The following NUP155 variants were observed in gnomAD, a reference collection of about 807,000 sequenced individuals.
NUP155 encodes nucleoporin 155.
NUP155 carries 71 observed loss-of-function variants against 180.4 expected under a neutral mutation model. The observed-to-expected ratio is 0.39, with a 90% CI of 0.33 to 0.48. The LOEUF (loss-of-function observed/expected upper bound fraction) is 0.48, where lower values mean the gene tolerates loss of function less well. NUP155 is among the 20% of genes least tolerant of loss of function. NUP155 has a pLI of 0.91. For missense variants in NUP155, 1,553 were observed against 1,648.9 expected (o/e 0.94, Z 1.01); for synonymous variants, 582 against 559.5 (o/e 1.04, Z -0.57).
chr5:37,353,364 C>A (rs1166080290), intron 4 of NUP155, among the ~76,000 whole-genome samples: 1 of 152,040 alleles, frequency 6.6e-6, no homozygotes. Context: ...AGGCAAATCA[C>A]CTGAGGTCAG....
At chr5:37,357,704 G>A (rs530224635) in intron 4 of NUP155, among the ~76,000 whole-genome samples, 20 of 152,040 alleles carry the variant, frequency 1.3e-4, no homozygotes, top group Non-Finnish European at 2.9e-5. Context: ...TTAAAAAAGG[G>A]TGTTGTCAGC....
intron 9 of NUP155, among the ~76,000 whole-genome samples, chr5:37,343,753 GGT>G (rs1745896657): frequency 6.6e-6 from 1 of 151,804 alleles, no homozygotes. Context: ...ATTAGCCAGG[GGT>G]GGTAGCGCAT....
Position 37,291,699 on chromosome 5 carries a change from TCACCCAA to T in NUP155, c.*194_*200del. On this transcript the variant is annotated 3_prime_UTR_variant, in exon 35 of 35. Transcript: ENST00000231498. ...AAATAATCTCATTTCAGTTGTTTTTTCACCCAATTACTAAAAAACAAAATAGTCATAA... is the reference window on the plus strand; with the variant it reads ...AAATAATCTCATTTCAGTTGTTTTTTTTACTAAAAAACAAAATAGTCATAA... 1 of 469,594 alleles carries T rather than the reference TCACCCAA, an allele frequency of 2.1e-6. No homozygotes were observed. The highest frequency in any genetic ancestry group is 6.0e-4 in the Middle Eastern group (1 of 1,674). The allele number at this position is 469,594 out of a possible 1,614,324, so 29.1% of individuals were successfully genotyped here.
Position 37,348,969 on chromosome 5 carries a change from T to C in NUP155, c.903+203A>G, listed in dbSNP as rs1746284273. The stretch of plus-strand genomic sequence containing the variant: ...CAGGGTTTCATCATGTTGGCTAGAC[T>C]GGTCTCAAACTCCAGACCTCAGGTG... On this transcript the variant is annotated intron_variant, in intron 8 of 34. Transcript: ENST00000231498. Among the ~76,000 whole-genome samples the C allele has an allele frequency of 2.6e-5, 4 of 152,004 alleles. No homozygotes were observed. In the South Asian group the frequency reaches 8.3e-4, roughly 31 times the overall value.
At chr5:37,303,061 T>C (rs558404729) in intron 28 of NUP155, among the ~76,000 whole-genome samples, 153 bp from the exon 29 acceptor site, 1 of 152,276 alleles carries the variant, frequency 6.6e-6, no homozygotes, top group South Asian at 2.1e-4. Context: ...AAAATCTATT[T>C]TAGATTTCTC....
intron 19 of NUP155, among the ~76,000 whole-genome samples, chr5:37,324,976 A>G (rs1744493051): frequency 6.6e-6 from 1 of 152,132 alleles, no homozygotes. Context: ...ATAGTAAAAC[A>G]CTGTTTCTAC....
rs35729800 is a variant in NUP155 at position 37,349,058 on chromosome 5, CT to C, written c.903+113del. 0.14 allele frequency: 37,496 copies of C among 275,010 alleles called. 149 individuals carry two copies. The highest frequency in any genetic ancestry group is 0.17 in the South Asian group (2,552 of 14,616). 17.0% of individuals were successfully genotyped at this position (275,010 alleles called of 1,614,324 possible). A position where few individuals can be genotyped will look rare whatever the true frequency, so the allele number is the denominator to read the frequency against. On this transcript the variant is annotated intron_variant, in intron 8 of 34. Coordinates refer to ENST00000231498, the MANE Select transcript of NUP155 (RefSeq NM_153485.3). ...GGCTTGAGCCACCATGCCCAGCAGGCTTTTTTTTTTTTTAGTTACACAGTTC... is the reference window on the plus strand; with the variant it reads ...GGCTTGAGCCACCATGCCCAGCAGGCTTTTTTTTTTTTAGTTACACAGTTC...
chr5:37,304,677 T>C (rs746710375), intron 27 of NUP155, 62 bp downstream of exon 27: 42 of 1,179,026 alleles, frequency 3.6e-5, no homozygotes, highest in Non-Finnish European at 4.8e-5. Context: ...ATATATGTGC[T>C]TAAATCATTG....
At chr5:37,298,816 AG>A (rs1742716442) in intron 32 of NUP155, 51 bp downstream of exon 32, 1 of 939,334 alleles carries the variant, frequency 1.1e-6, no homozygotes, top group African/African-American at 1.6e-5. Flanking sequence ...ATATCAACGG[AG>A]AAAACCATCA....
chr5:37,351,391 G>T, intron 5 of NUP155, 35 bp from the exon 6 acceptor site: 2 of 1,420,258 alleles, frequency 1.4e-6, no homozygotes, highest in Non-Finnish European at 2.0e-6. Context: ...CAGTTTATTA[G>T]CTACTCCACA....
At chr5:37,305,892 C>G (rs1743124879) in intron 25 of NUP155, among the ~76,000 whole-genome samples, 1 of 150,800 alleles carries the variant, frequency 6.6e-6, no homozygotes, top group Admixed American at 6.6e-5. Flanking sequence ...AAACAAAACC[C>G]CCCAAAAACA....
chr5:37,360,678 C>A (rs766257682), intron 3 of NUP155, among the ~76,000 whole-genome samples: 27 of 150,290 alleles, frequency 1.8e-4, no homozygotes, highest in Non-Finnish European at 3.7e-4. Context: ...CCCAGTTACT[C>A]GGGAGGCTGA....
chr5:37,295,414 C>A (rs1489408690), intron 32 of NUP155, among the ~76,000 whole-genome samples: 1 of 152,156 alleles, frequency 6.6e-6, no homozygotes, highest in Non-Finnish European at 1.5e-5. Context: ...CACCTCCCAG[C>A]AGCCTGCCTT....
chr5:37,336,655 T>G (rs1394270061), intron 12 of NUP155, among the ~76,000 whole-genome samples: 2 of 152,220 alleles, frequency 1.3e-5, no homozygotes, highest in East Asian at 1.9e-4. Context: ...TATATCTTAT[T>G]AAGTTCTGAA....
intron 18 of NUP155, chr5:37,326,986 T>G: frequency 6.5e-6 from 1 of 154,262 alleles, no homozygotes; most frequent in Non-Finnish European, 1.4e-5. Flanking sequence ...CTACTCAGCG[T>G]GAAGACAAGG....
chr5:37,333,535 T>C lies in NUP155; in HGVS notation c.1446A>G (p.Pro482=), dbSNP rs746914424. The change falls in exon 13 of 35, where the codon CCA becomes CCG. Residue 482 remains proline, a synonymous_variant. Transcript: ENST00000231498. ...IITPLNKDHI[P]ITDSPVVVQQ... ...GTACAACAACTGGTGAATCAGTTAT[T>C]GGAATATGATCCTTGTTTAAAGGTG... The C allele has an allele frequency of 1.2e-6, 2 of 1,614,014 alleles. No individual in the cohort carries two copies. Among genetic ancestry groups the C allele is most frequent in the Non-Finnish European group, 1.7e-6 (2 of 1,179,878 alleles).
intron 4 of NUP155, among the ~76,000 whole-genome samples, chr5:37,354,157 T>C (rs2548041): frequency 4.6e-5 from 7 of 152,310 alleles, no homozygotes; most frequent in African/African-American, 1.7e-4. Context: ...GCTTTGCTTT[T>C]CTTTTTGAGA....
intron 16 of NUP155, among the ~76,000 whole-genome samples, 163 bp downstream of exon 16, chr5:37,329,027 T>C (rs1744785213): frequency 6.6e-6 from 1 of 152,234 alleles, no homozygotes; most frequent in East Asian, 1.9e-4. Context: ...AAGGATTCAA[T>C]ATTAATAGAT....
intron 32 of NUP155, among the ~76,000 whole-genome samples, chr5:37,296,327 T>C (rs891154174): frequency 1.3e-5 from 2 of 152,096 alleles, no homozygotes; most frequent in African/African-American, 4.8e-5. Flanking sequence ...TTTTGTTCTG[T>C]ACTAAGAAAA....
Sources: gnomAD v4.1 joint callset for allele counts (sites outside exome capture counted in the v4.1 genomes callset) on GRCh38, gnomAD v4.1.1 for gene constraint, MANE v1.5 for transcripts, NCBI Gene and HGNC (gene_info 2026-07-23, HGNC 2026-07-21) for gene names.